NR1D2: variants seen among roughly 807,000 people sequenced by gnomAD.
The protein encoded by NR1D2 is V-erbA-related protein 1-related.
Under a neutral mutation model 52.2 loss-of-function variants are expected in NR1D2, and 25 were observed. The observed-to-expected ratio is 0.48, with a 90% CI of 0.35 to 0.67. NR1D2 has a LOEUF of 0.67. Among genes scored for constraint, NR1D2 ranks in the 30% least tolerant of loss-of-function variants. The pLI, the probability that NR1D2 is intolerant of heterozygous loss-of-function variation, is 0.01. For missense variants in NR1D2, 681 were observed against 707.2 expected (o/e 0.96, Z 0.42); for synonymous variants, 259 against 230.1 (o/e 1.13, Z -1.14).
chr3:23,951,363 A>G lies in NR1D2; in HGVS notation c.17-3174A>G, dbSNP rs975440546. On this transcript the variant is annotated intron_variant, in intron 1 of 7. Transcript: ENST00000312521. ...CTGAGATGTTAGATGTGAATTTAGT[A>G]CTTAAGACACTATTTTAGAGAAGAC... Among the ~76,000 whole-genome samples the G allele has an allele frequency of 8.5e-5, 13 of 152,212 alleles. No homozygotes were observed. The East Asian group carries it at 2.1e-3, about 25-fold the overall frequency.
intron 7 of NR1D2, among the ~76,000 whole-genome samples, chr3:23,971,861 A>G (rs1366583011): frequency 1.3e-5 from 2 of 152,184 alleles, no homozygotes; most frequent in Non-Finnish European, 2.9e-5. Flanking sequence ...TGATTTGATC[A>G]GTCAATTCCC....
intron 7 of NR1D2, among the ~76,000 whole-genome samples, chr3:23,969,533 G>C (rs1388626061): frequency 6.6e-6 from 1 of 152,172 alleles, no homozygotes; most frequent in Non-Finnish European, 1.5e-5. Context: ...ATCATTTGCA[G>C]AATCTCTTGA....
At chr3:23,947,356 C>T (rs982610572) in intron 1 of NR1D2, among the ~76,000 whole-genome samples, 4 of 152,210 alleles carry the variant, frequency 2.6e-5, no homozygotes, top group African/African-American at 9.7e-5. Flanking sequence ...TGAATGTTGA[C>T]CATCCCCTTC....
chr3:23,953,902 C>T (rs1030427495), intron 1 of NR1D2, among the ~76,000 whole-genome samples: 7 of 152,176 alleles, frequency 4.6e-5, no homozygotes, highest in Non-Finnish European at 7.3e-5. Flanking sequence ...TACTTAGGAG[C>T]ATTTTTTAGT....
intron 4 of NR1D2, among the ~76,000 whole-genome samples, chr3:23,961,398 T>TC (rs1706240858): frequency 6.9e-6 from 1 of 144,262 alleles, no homozygotes; most frequent in Admixed American, 6.9e-5. Context: ...TCTTTTTTTT[T>TC]TTTTTTTTTT....
At position 23,975,289 on chromosome 3, in the gene NR1D2, A is replaced by ATT. The variant is rs549443441; in HGVS notation, c.1544-1920_1544-1919dup. Among the ~76,000 whole-genome samples, 390 of 142,926 alleles carry ATT rather than the reference A, an allele frequency of 2.7e-3. 2 individuals carry two copies. The highest frequency in any genetic ancestry group is 8.6e-3 in the African/African-American group (333 of 38,758). 93.8% of individuals were successfully genotyped at this position (142,926 alleles called of 152,430 possible). On this transcript the variant is annotated intron_variant, in intron 7 of 7. Coordinates refer to ENST00000312521, the MANE Select transcript of NR1D2 (RefSeq NM_005126.5). ...TGTGTCACCATGCCCATTCAATTAA[A>ATT]TTTTTTTTTTTTTTTGTAAAGACAA... is the stretch of plus-strand genomic sequence containing the variant.
chr3:23,955,904 C>T, intron 2 of NR1D2, 133 bp from the exon 3 acceptor site: 1 of 576,480 alleles, frequency 1.7e-6, no homozygotes, highest in Non-Finnish European at 3.2e-6. Flanking sequence ...AAATATTTTT[C>T]TTTTACATTA....
intron 5 of NR1D2, chr3:23,963,325 T>G (rs2125291878): frequency 7.4e-7 from 1 of 1,342,624 alleles, no homozygotes; most frequent in Middle Eastern, 2.1e-4. Context: ...TATTTTCTAC[T>G]GACAGGTAAT....
chr3:23,947,984 G>C (rs2125280112), intron 1 of NR1D2, among the ~76,000 whole-genome samples: 1 of 152,214 alleles, frequency 6.6e-6, no homozygotes, highest in African/African-American at 2.4e-5. Context: ...CGGGCGTGGT[G>C]GTGGGCTCCT....
chr3:23,979,259 A>G lies in NR1D2; in HGVS notation c.*1840A>G, dbSNP rs1706815041. ...TAAACCATAATTGTGATTTACCTTA[A>G]GTAGGTATAACTCTTATGGGATATA... On this transcript the variant is annotated 3_prime_UTR_variant, in exon 8 of 8. Transcript: ENST00000312521. 6.6e-6 allele frequency: 1 copy of G among 152,122 alleles called. No individual in the cohort carries two copies. Among genetic ancestry groups the G allele is most frequent in the East Asian group, 1.9e-4 (1 of 5,206 alleles). The allele number at this position is 152,122 out of a possible 1,614,324, so 9.4% of individuals were successfully genotyped here.
rs766823416 is a variant in NR1D2 at position 23,962,413 on chromosome 3, C to T, written c.954C>T (p.Leu318=). The T allele has an allele frequency of 4.1e-5, 66 of 1,614,024 alleles. No individual in the cohort carries two copies. The Middle Eastern group carries it at 8.2e-4, about 20-fold the overall frequency. ...CCTGTAGTGAGAGCCAGCAGCATCT[C>T]AATGGACAGTTCAAAGGGAGGAATA... ...HFPCSESQQH[L]NGQFKGRNIM... is the part of the protein sequence containing the mutation. Residue 318 remains leucine, a synonymous_variant, in exon 5 of 8, where the codon CTC becomes CTT. Transcript: ENST00000312521.
At chr3:23,951,255 T>G (rs181235436) in intron 1 of NR1D2, among the ~76,000 whole-genome samples, 1 of 152,324 alleles carries the variant, frequency 6.6e-6, no homozygotes, top group African/African-American at 2.4e-5. Flanking sequence ...CAGCAGATCT[T>G]GTGAACATAA....
At chr3:23,957,669 G>A (rs1460764427) in intron 3 of NR1D2, among the ~76,000 whole-genome samples, 1 of 151,550 alleles carries the variant, frequency 6.6e-6, no homozygotes, top group Non-Finnish European at 1.5e-5. Flanking sequence ...CTTGCAGTGA[G>A]CTGAGATTGC....
Position 23,954,671 on chromosome 3 carries a change from A to G in NR1D2, c.151A>G (p.Thr51Ala). ...TTCTCCAAATAGCTCTAATTCTGAT[A>G]CCAATGGTAATCCCAAGAATGGTGA... ...PSSPNSSNSDTNGNPKNGDLA... is the reference protein window; with the variant it reads ...PSSPNSSNSDANGNPKNGDLA... The change falls in exon 2 of 8, where the codon ACC becomes GCC. Residue 51 changes from threonine (T) to alanine (A), a missense_variant. Physicochemically the swap from Thr to Ala is moderately conservative, Grantham distance 58 (BLOSUM62 0). This residue lies in a region of NR1D2 where 94 missense variants were observed against 90.4 expected (regional missense o/e 1.04). Coordinates refer to ENST00000312521, the MANE Select transcript of NR1D2 (RefSeq NM_005126.5). 1.2e-6 allele frequency: 2 copies of G among 1,614,144 alleles called. No homozygotes were observed. Among genetic ancestry groups the G allele is most frequent in the Non-Finnish European group, 1.7e-6 (2 of 1,179,994 alleles).
intron 1 of NR1D2, among the ~76,000 whole-genome samples, chr3:23,951,809 A>C (rs186312847): frequency 2.4e-4 from 36 of 152,350 alleles, no homozygotes; most frequent in African/African-American, 8.7e-4. Context: ...GGGCCTTGGA[A>C]ACATGTATTC....
At chr3:23,958,986 C>T (rs1165324052) in intron 3 of NR1D2, among the ~76,000 whole-genome samples, 2 of 151,718 alleles carry the variant, frequency 1.3e-5, no homozygotes, top group Non-Finnish European at 2.9e-5. Flanking sequence ...AAATCAGGTC[C>T]GGAGTGGTGG....
rs1431376405 is a variant in NR1D2, at chr3:23,978,763, A to ATT, written c.*1347_*1348dup. 1 of 152,054 alleles carries ATT rather than the reference A, an allele frequency of 6.6e-6. No homozygotes were observed. Among genetic ancestry groups the ATT allele is most frequent in the Non-Finnish European group, 1.5e-5 (1 of 67,970 alleles). The allele number at this position is 152,054 out of a possible 1,614,324, so 9.4% of individuals were successfully genotyped here. A position where few individuals can be genotyped will look rare whatever the true frequency, so the allele number is the denominator to read the frequency against. On this transcript the variant is annotated 3_prime_UTR_variant, in exon 8 of 8. Coordinates refer to ENST00000312521, the MANE Select transcript of NR1D2 (RefSeq NM_005126.5). The stretch of plus-strand genomic sequence containing the variant: ...TTTTTTCCTAAATAACACTACAGGG[A>ATT]TTTTGTCATATTAGATTTAATTTAT...
At chr3:23,965,427 T>A (rs1401966344) in intron 6 of NR1D2, among the ~76,000 whole-genome samples, 1 of 150,696 alleles carries the variant, frequency 6.6e-6, no homozygotes, top group African/African-American at 2.4e-5. Context: ...TTTTTTTTTT[T>A]GTAGAAACAG....
rs1204707056 is a variant in NR1D2, at chr3:23,978,026, A to T, written c.*607A>T. 6.6e-6 allele frequency: 1 copy of T among 152,198 alleles called. No individual in the cohort carries two copies. Among genetic ancestry groups the T allele is most frequent in the Admixed American group, 6.5e-5 (1 of 15,268 alleles). 9.4% of individuals were successfully genotyped at this position (152,198 alleles called of 1,614,324 possible). On this transcript the variant is annotated 3_prime_UTR_variant, in exon 8 of 8. Transcript: ENST00000312521. ...CTGTAAAGCATATTTACCTCTTGGG[A>T]GATAGGCACTATGTAAATAAGGTAA... is the stretch of plus-strand genomic sequence containing the variant.
Sources: allele counts gnomAD v4.1 joint callset (sites outside exome capture counted in the v4.1 genomes callset), GRCh38; gene constraint gnomAD v4.1.1; regional missense constraint gnomAD v4.1.1; transcripts MANE v1.5; gene names NCBI Gene and HGNC (gene_info 2026-07-23, HGNC 2026-07-21).